Variants in USP45 observed in about 807,000 individuals in gnomAD.
USP45 encodes the protein ubiquitin specific peptidase 45.
A neutral mutation model predicts 95.8 loss-of-function variants in USP45; 89 were observed. That is an observed-to-expected ratio of 0.93 (90% CI 0.78 to 1.11). The LOEUF is 1.11. Ranked by LOEUF, USP45 falls within the 50% of genes least tolerant of loss-of-function variation. The probability of loss-of-function intolerance (pLI) is 0.00; values close to 1 mark genes in which losing one functional copy is unlikely to be tolerated. For missense variants in USP45, 898 were observed against 942.5 expected (o/e 0.95, Z 0.62); for synonymous variants, 281 against 316.2 (o/e 0.89, Z 1.18).
chr6:99,512,096 GA>G (rs981975747), intron 1 of USP45, among the ~76,000 whole-genome samples: 183 of 151,624 alleles, frequency 1.2e-3, no homozygotes, highest in African/African-American at 4.2e-3. Context: ...CTGGTTTTTT[GA>G]AAAAGATTCA....
rs561887685 is a variant in USP45 at position 99,504,124 on chromosome 6, T to C, written c.378-259A>G. ...AGGGTTTTTAAGCAGGGCCATGATATGGTCCAACTTACACTTTATTTATTT... is the reference window on the plus strand; with the variant it reads ...AGGGTTTTTAAGCAGGGCCATGATACGGTCCAACTTACACTTTATTTATTT... On this transcript the variant is annotated intron_variant, in intron 4 of 17. Coordinates refer to ENST00000500704, the MANE Select transcript of USP45 (RefSeq NM_001346022.3). Among the ~76,000 whole-genome samples the C allele has an allele frequency of 3.3e-5, 5 of 152,292 alleles. No homozygotes were observed. The East Asian group carries it at 7.7e-4, about 24-fold the overall frequency.
At chr6:99,496,305 A>T (rs1425451193) in intron 5 of USP45, among the ~76,000 whole-genome samples, 1 of 151,750 alleles carries the variant, frequency 6.6e-6, no homozygotes, top group Non-Finnish European at 1.5e-5. Flanking sequence ...CTTTTTTTTT[A>T]AAGTATTAAA....
intron 16 of USP45, among the ~76,000 whole-genome samples, chr6:99,438,648 TGA>T (rs1780962098): frequency 1.3e-5 from 2 of 152,118 alleles, no homozygotes; most frequent in African/African-American, 4.8e-5. Flanking sequence ...GAACACTAGG[TGA>T]TATGACAGAA....
In USP45 at chr6:99,508,660, G is replaced by A. The variant is rs776122723; in HGVS notation, c.223C>T (p.Gln75Ter). ...CLKERRFYDG[Q>*]LVLTSDIWLC... Reference sequence around the variant, plus strand: ...CAAATATCAGAAGTAAGTACTAGCTGCCCATCATAGAATCTTCTTTCTTTT... The same window carrying A: ...CAAATATCAGAAGTAAGTACTAGCTACCCATCATAGAATCTTCTTTCTTTT... Residue 75 changes from glutamine to a stop codon, truncating the protein, a stop_gained, in exon 3 of 18, where the codon CAG becomes TAG. Coordinates refer to ENST00000500704, the MANE Select transcript of USP45 (RefSeq NM_001346022.3). LOFTEE classifies it high-confidence loss of function. The A allele has an allele frequency of 4.2e-5, 68 of 1,613,682 alleles. No homozygotes were observed. The highest frequency in any genetic ancestry group is 6.7e-5 in the Admixed American group (4 of 59,980).
At chr6:99,507,366 A>C in intron 4 of USP45, 62 bp downstream of exon 4, 2 of 744,226 alleles carry the variant, frequency 2.7e-6, no homozygotes, top group Non-Finnish European at 4.1e-6. Flanking sequence ...AAAAGCTTAA[A>C]GAAAAAAAAA....
At chr6:99,499,344 C>T (rs555904688) in intron 5 of USP45, among the ~76,000 whole-genome samples, 2 of 152,136 alleles carry the variant, frequency 1.3e-5, no homozygotes, top group African/African-American at 2.4e-5. Flanking sequence ...CAATGTTTCA[C>T]GATTACCATT....
intron 5 of USP45, among the ~76,000 whole-genome samples, chr6:99,492,224 C>T (rs140230685): frequency 1.4e-3 from 208 of 152,294 alleles, no homozygotes; most frequent in African/African-American, 4.4e-3. Flanking sequence ...CAGTAAGGGA[C>T]GACAAATGTC....
chr6:99,478,795 T>G (rs1791547683), intron 8 of USP45, among the ~76,000 whole-genome samples: 1 of 152,124 alleles, frequency 6.6e-6, no homozygotes, highest in African/African-American at 2.4e-5. Context: ...AACCACAAAG[T>G]TGAAGACCTT....
intron 15 of USP45, 54 bp from the exon 16 acceptor site, chr6:99,439,909 CTT>C (rs1781211031): frequency 7.1e-7 from 1 of 1,409,538 alleles, no homozygotes; most frequent in Non-Finnish European, 9.7e-7. Flanking sequence ...AAAGCATTGT[CTT>C]TGTTAACTAA....
chr6:99,448,729 T>C (rs1219023087), intron 13 of USP45, among the ~76,000 whole-genome samples: 1 of 152,120 alleles, frequency 6.6e-6, no homozygotes, highest in African/African-American at 2.4e-5. Flanking sequence ...AATTGTCAGA[T>C]TCACCAAAGT....
At chr6:99,506,698 G>A (rs9376234) in intron 4 of USP45, among the ~76,000 whole-genome samples, 129,390 of 152,156 alleles carry the variant, frequency 0.85, 55,686 homozygotes, top group East Asian at 0.99. Flanking sequence ...TAGGAAACTG[G>A]ACTAGATTCT....
intron 13 of USP45, among the ~76,000 whole-genome samples, chr6:99,463,014 A>C (rs560002176): frequency 1.3e-5 from 2 of 152,272 alleles, no homozygotes; most frequent in South Asian, 4.1e-4. Flanking sequence ...TAATAGAGTA[A>C]GTTAAATTTA....
intron 13 of USP45, chr6:99,461,133 T>C: frequency 1.0e-6 from 1 of 976,250 alleles, no homozygotes; most frequent in Non-Finnish European, 1.2e-6. Flanking sequence ...ATAAAACTAA[T>C]ATACTTATGT....
intron 13 of USP45, chr6:99,461,879 G>A (rs1299708465): frequency 2.0e-6 from 2 of 984,146 alleles, no homozygotes; most frequent in African/African-American, 1.7e-5. Flanking sequence ...AGACTTTATT[G>A]ATCTTTATAA....
At chr6:99,465,420 TTAAC>T (rs1360272260) in intron 11 of USP45, among the ~76,000 whole-genome samples, 2 of 152,128 alleles carry the variant, frequency 1.3e-5, no homozygotes, top group Non-Finnish European at 2.9e-5. Context: ...ATAAAACAGA[TTAAC>T]TAAAGAGACT....
chr6:99,452,928 CA>C (rs1167931938), intron 13 of USP45, among the ~76,000 whole-genome samples: 2 of 151,762 alleles, frequency 1.3e-5, no homozygotes, highest in African/African-American at 4.8e-5. Context: ...ATCACAAGAA[CA>C]AAAAACCAAA....
intron 5 of USP45, among the ~76,000 whole-genome samples, chr6:99,491,515 C>T (rs1412459801): frequency 1.3e-5 from 2 of 152,166 alleles, no homozygotes; most frequent in East Asian, 1.9e-4. Flanking sequence ...CCAAGCATTA[C>T]TCAATTTTTT....
At chr6:99,510,854 C>A (rs1037415626) in intron 1 of USP45, among the ~76,000 whole-genome samples, 2 of 152,114 alleles carry the variant, frequency 1.3e-5, no homozygotes, top group African/African-American at 4.8e-5. Flanking sequence ...TTTTCATCAA[C>A]GGAGTAAGTA....
chr6:99,489,474 C>T (rs1404509134), intron 5 of USP45, among the ~76,000 whole-genome samples: 1 of 152,078 alleles, frequency 6.6e-6, no homozygotes, highest in Admixed American at 6.5e-5. Flanking sequence ...AATCACCATC[C>T]TATAGTGGCA....
Sources: gnomAD v4.1 joint callset for allele counts (sites outside exome capture counted in the v4.1 genomes callset) on GRCh38, gnomAD v4.1.1 for gene constraint, MANE v1.5 for transcripts, NCBI Gene and HGNC (gene_info 2026-07-23, HGNC 2026-07-21) for gene names.